Variants in LPA observed in about 807,000 individuals in gnomAD.
The protein encoded by LPA is apolipoprotein(a).
A neutral mutation model predicts 197.9 loss-of-function variants in LPA; 199 were observed. The ratio of observed to expected loss-of-function variants is 1.01; its 90% CI spans 0.90 to 1.13. The LOEUF is 1.13. Ranked by LOEUF, LPA falls within the 50% of genes most tolerant of loss-of-function variation. The pLI, the probability that LPA is intolerant of heterozygous loss-of-function variation, is 0.00. For synonymous variants in LPA, 715 were observed against 639.5 expected (o/e 1.12, Z -1.78); for missense variants, 1,853 against 1,785.8 (o/e 1.04, Z -0.68).
At chr6:160,650,524 C>T (rs770505140) in intron 1 of LPA, 27 bp from the exon 2 acceptor site, 9 of 1,610,654 alleles carry the variant, frequency 5.6e-6, no homozygotes, top group Non-Finnish European at 7.6e-6. Flanking sequence ...AGAAATCAAG[C>T]TGAATAGTTC....
chr6:160,609,766 T>G (rs1337038245), intron 16 of LPA, among the ~76,000 whole-genome samples: 3 of 151,922 alleles, frequency 2.0e-5, no homozygotes, highest in Non-Finnish European at 2.9e-5. Flanking sequence ...TGTGCATGTG[T>G]GTGTGTGTTT....
intron 21 of LPA, 100 bp downstream of exon 21, chr6:160,595,254 G>T: frequency 6.9e-7 from 1 of 1,439,082 alleles, no homozygotes; most frequent in Non-Finnish European, 9.7e-7. Flanking sequence ...CATTCTACTT[G>T]GAATTGTGTG....
chr6:160,648,267 T>C (rs1008706942), intron 2 of LPA, among the ~76,000 whole-genome samples: 7 of 152,234 alleles, frequency 4.6e-5, no homozygotes, highest in Non-Finnish European at 1.0e-4. Flanking sequence ...ACGAGATTTT[T>C]CTGTGTATTA....
chr6:160,587,212 T>C (rs1389205161), intron 24 of LPA, among the ~76,000 whole-genome samples: 1 of 152,236 alleles, frequency 6.6e-6, no homozygotes, highest in Admixed American at 6.5e-5. Flanking sequence ...ATGATGGTGA[T>C]GGATATGCTC....
intron 30 of LPA, among the ~76,000 whole-genome samples, chr6:160,549,559 C>T (rs1778134820): frequency 6.6e-6 from 1 of 152,190 alleles, no homozygotes; most frequent in African/African-American, 2.4e-5. Context: ...GGCCAGCCTC[C>T]CTTACTCTCT....
At chr6:160,593,078 C>A (rs1779060619) in intron 22 of LPA, among the ~76,000 whole-genome samples, 1 of 152,112 alleles carries the variant, frequency 6.6e-6, no homozygotes, top group Admixed American at 6.6e-5. Context: ...TCCTTTCCTC[C>A]ACAAATCCCC....
At chr6:160,553,911 C>T (rs1778206204) in intron 30 of LPA, among the ~76,000 whole-genome samples, 1 of 144,168 alleles carries the variant, frequency 6.9e-6, no homozygotes, top group Non-Finnish European at 1.5e-5. Flanking sequence ...GCCTTTCTCT[C>T]TCTCTCTTTC....
chr6:160,660,160 G>C (rs996167345), intron 1 of LPA, among the ~76,000 whole-genome samples: 1 of 140,242 alleles, frequency 7.1e-6, no homozygotes, highest in Non-Finnish European at 1.6e-5. Context: ...AAAGAAGGTT[G>C]TATAGCACTC....
chr6:160,533,367 C>T (rs1329940688), intron 37 of LPA, among the ~76,000 whole-genome samples: 3 of 152,218 alleles, frequency 2.0e-5, no homozygotes, highest in Non-Finnish European at 4.4e-5. Flanking sequence ...ACTTAATCCT[C>T]ACAACGGTCC....
intron 28 of LPA, among the ~76,000 whole-genome samples, chr6:160,576,749 A>T: frequency 7.3e-6 from 1 of 136,868 alleles, no homozygotes. Context: ...TTTACTTATT[A>T]CCCATGACAA....
chr6:160,658,931 T>C (rs987546954), intron 1 of LPA, among the ~76,000 whole-genome samples: 2 of 152,060 alleles, frequency 1.3e-5, no homozygotes, highest in African/African-American at 2.4e-5. Flanking sequence ...TATGTGTATA[T>C]ATAGTGAGTA....
chr6:160,658,225 G>C (rs1295588238), intron 1 of LPA, among the ~76,000 whole-genome samples: 1 of 152,058 alleles, frequency 6.6e-6, no homozygotes, highest in East Asian at 1.9e-4. Flanking sequence ...GCTTCATCAG[G>C]GTTCTCCCAC....
At chr6:160,570,290 G>A (rs1184209730) in intron 28 of LPA, among the ~76,000 whole-genome samples, 1 of 152,200 alleles carries the variant, frequency 6.6e-6, no homozygotes, top group Non-Finnish European at 1.5e-5. Context: ...ATACACCATG[G>A]AATACTATGC....
intron 24 of LPA, among the ~76,000 whole-genome samples, chr6:160,588,841 T>C (rs1344513317): frequency 2.0e-5 from 3 of 152,156 alleles, no homozygotes; most frequent in Admixed American, 6.5e-5. Flanking sequence ...CTCCTTTGAT[T>C]CCCTTTCTCA....
Position 160,581,119 on chromosome 6 carries a change from C to A in LPA, c.4290-2415G>T, listed in dbSNP as rs1303887063. ...GTCATACAGTAGGATTCAAGCGTCA[C>A]ATTTGTTATAGTTTTTTTCTATGGC... is the stretch of plus-strand genomic sequence containing the variant. On this transcript the variant is annotated intron_variant, in intron 26 of 38. Coordinates refer to ENST00000316300, the MANE Select transcript of LPA (RefSeq NM_005577.4). Among the ~76,000 whole-genome samples, 3 of 152,094 alleles carry A rather than the reference C, an allele frequency of 2.0e-5. No individual in the cohort carries two copies. In the South Asian group the frequency reaches 6.2e-4, roughly 32 times the overall value.
rs200011792 is a variant in LPA, at chr6:160,574,000, AG to A, written c.4631+3135del. Among the ~76,000 whole-genome samples the A allele has an allele frequency of 7.2e-4, 110 of 152,190 alleles. 2 individuals are homozygous for A. The East Asian group carries it at 0.019, about 26-fold the overall frequency. On this transcript the variant is annotated intron_variant, in intron 28 of 38. Coordinates refer to ENST00000316300, the MANE Select transcript of LPA (RefSeq NM_005577.4). ...TTTGTCTTCTGCTACCAGGGTGGGT[AG>A]GGAAGGACCATCAGTTGGGGGTGGG...
Position 160,585,088 on chromosome 6 carries a change from G to A in LPA, c.4247C>T (p.Thr1416Ile), listed in dbSNP as rs376414208. The change falls in exon 26 of 39, where the codon ACA becomes ATA. Residue 1416 changes from threonine (T) to isoleucine (I), a missense_variant. By Grantham distance (89) the Thr-to-Ile change is moderately conservative (BLOSUM62 -1). Coordinates refer to ENST00000316300, the MANE Select transcript of LPA (RefSeq NM_005577.4). ...GRTCQSWSSM[T>I]PHWHRRIPLY... is the part of the protein sequence containing the mutation. Reference sequence around the variant, plus strand: ...TGGGATCCTCCGATGCCAATGTGGTGTCATAGACGACCAAGACTGACATGT... The same window carrying A: ...TGGGATCCTCCGATGCCAATGTGGTATCATAGACGACCAAGACTGACATGT... 101 of 1,613,824 alleles carry A rather than the reference G, an allele frequency of 6.3e-5. No homozygotes were observed. In the African/African-American group the frequency reaches 1.3e-3, roughly 20 times the overall value.
chr6:160,587,076 A>G (rs1031084855), intron 24 of LPA, among the ~76,000 whole-genome samples: 2 of 152,166 alleles, frequency 1.3e-5, no homozygotes, highest in African/African-American at 4.8e-5. Flanking sequence ...TTTGTTATTT[A>G]CCTAAGCAAT....
rs150705678 is a variant in LPA, at chr6:160,604,118, C to T, written c.2945+928G>A. ...TTCGAGGAGACTACTATGCGTGCCCCTGGAGCTCCTTTCATCCACAAATCC... is the reference window on the plus strand; with the variant it reads ...TTCGAGGAGACTACTATGCGTGCCCTTGGAGCTCCTTTCATCCACAAATCC... On this transcript the variant is annotated intron_variant, in intron 18 of 38. Coordinates refer to ENST00000316300, the MANE Select transcript of LPA (RefSeq NM_005577.4). Among the ~76,000 whole-genome samples, 12 of 152,310 alleles carry T rather than the reference C, an allele frequency of 7.9e-5. No individual in the cohort carries two copies. The East Asian group carries it at 2.3e-3, about 29-fold the overall frequency.
Sources: allele counts gnomAD v4.1 joint callset (sites outside exome capture counted in the v4.1 genomes callset), GRCh38; gene constraint gnomAD v4.1.1; transcripts MANE v1.5; gene names NCBI Gene and HGNC (gene_info 2026-07-23, HGNC 2026-07-21).